Variants in CEP162 observed in about 807,000 individuals in gnomAD.
CEP162 encodes centrosomal protein 162.
CEP162 carries 141 observed loss-of-function variants against 169.2 expected under a neutral mutation model. The ratio of observed to expected loss-of-function variants is 0.83; its 90% confidence interval spans 0.73 to 0.96. The LOEUF is 0.96. Among genes scored for constraint, CEP162 ranks in the 40% least tolerant of loss-of-function variants. The pLI, the probability that CEP162 is intolerant of heterozygous loss-of-function variation, is 0.00. For synonymous variants in CEP162, 540 were observed against 526.4 expected (o/e 1.03, Z -0.35); for missense variants, 1,600 against 1,587.2 (o/e 1.01, Z -0.14).
intron 18 of CEP162, among the ~76,000 whole-genome samples, chr6:84,167,659 C>T (rs1464389355): frequency 1.3e-5 from 2 of 152,152 alleles, no homozygotes; most frequent in Non-Finnish European, 2.9e-5. Flanking sequence ...TTATCACTGA[C>T]TCAGAACTAA....
intron 13 of CEP162, among the ~76,000 whole-genome samples, chr6:84,184,567 T>C (rs1360963950): frequency 1.3e-5 from 2 of 152,126 alleles, no homozygotes; most frequent in Non-Finnish European, 2.9e-5. Context: ...TAATATACTT[T>C]GTTGACTTGC....
chr6:84,217,443 G>C (rs1378851421), intron 3 of CEP162, among the ~76,000 whole-genome samples: 1 of 152,184 alleles, frequency 6.6e-6, no homozygotes, highest in Non-Finnish European at 1.5e-5. Context: ...CATGGGGGAA[G>C]AGTGTTTAAG....
chr6:84,211,025 T>C (rs1562088585), intron 6 of CEP162, among the ~76,000 whole-genome samples: 4 of 151,506 alleles, frequency 2.6e-5, no homozygotes, highest in African/African-American at 9.7e-5. Flanking sequence ...CAATATCCAA[T>C]AAAAAATTAC....
chr6:84,213,051 C>T (rs1588885640), intron 5 of CEP162, 27 bp from the exon 6 acceptor site: 1 of 1,378,764 alleles, frequency 7.3e-7, no homozygotes. Context: ...TTTAATTTAG[C>T]ATTACATGTT....
chr6:84,145,198 AATATTTGG>A (rs2099518299), intron 25 of CEP162, among the ~76,000 whole-genome samples: 1 of 152,094 alleles, frequency 6.6e-6, no homozygotes. Flanking sequence ...GGAGCCTCAC[AATATTTGG>A]GGGATCTCTA....
chr6:84,211,249 C>A (rs770492836), intron 6 of CEP162, among the ~76,000 whole-genome samples: 1 of 151,362 alleles, frequency 6.6e-6, no homozygotes, highest in Non-Finnish European at 1.5e-5. Context: ...TGGGATTGGG[C>A]CAGGCATGGT....
chr6:84,168,045 T>A (rs1443473548), intron 18 of CEP162, among the ~76,000 whole-genome samples: 4 of 149,802 alleles, frequency 2.7e-5, no homozygotes, highest in Admixed American at 1.3e-4. Context: ...TTTATTATAT[T>A]TTTTTTCCCA....
At chr6:84,126,547 A>C in intron 25 of CEP162, 35 bp from the exon 26 acceptor site, 2 of 1,400,384 alleles carry the variant, frequency 1.4e-6, no homozygotes, top group Non-Finnish European at 1.9e-6. Flanking sequence ...GAAAAACTAT[A>C]ATCACAAGAA....
Position 84,193,684 on chromosome 6 carries a change from G to A in CEP162, c.1034C>T (p.Pro345Leu). 6.4e-7 allele frequency: 1 copy of A among 1,559,124 alleles called. No individual in the cohort carries two copies. Among genetic ancestry groups the A allele is most frequent in the Non-Finnish European group, 8.7e-7 (1 of 1,150,514 alleles). The change falls in exon 11 of 27, where the codon CCC becomes CTC. Residue 345 changes from proline to leucine, a missense_variant. Physicochemically the swap from Pro to Leu is moderately conservative, Grantham distance 98. Coordinates refer to ENST00000403245, the MANE Select transcript of CEP162 (RefSeq NM_014895.4). ...KNISTMESDLPTVEELMKPIR... is the reference protein window; with the variant it reads ...KNISTMESDLLTVEELMKPIR... ...AGGTTTCATCAGCTCCTCTACTGTG[G>A]GCAGATCTAAGAGGTGGAAAAAAAA... is the stretch of plus-strand genomic sequence containing the variant.
chr6:84,173,410 A>C (rs567907460), intron 16 of CEP162, among the ~76,000 whole-genome samples: 8 of 152,360 alleles, frequency 5.3e-5, no homozygotes, highest in African/African-American at 1.7e-4. Context: ...TCATAAATTA[A>C]AACTTTGTTA....
chr6:84,129,371 G>C (rs1490868578), intron 25 of CEP162, among the ~76,000 whole-genome samples: 1 of 152,082 alleles, frequency 6.6e-6, no homozygotes, highest in Admixed American at 6.5e-5. Context: ...ACTTTTTAAT[G>C]ATCGCCATTC....
At chr6:84,125,964 A>G (rs543132792) in intron 26 of CEP162, among the ~76,000 whole-genome samples, 1 of 152,260 alleles carries the variant, frequency 6.6e-6, no homozygotes, top group African/African-American at 2.4e-5. Context: ...ACTTCTATTA[A>G]TTTATCTGTT....
At chr6:84,206,597 A>G (rs377373901) in intron 6 of CEP162, among the ~76,000 whole-genome samples, 1 of 152,156 alleles carries the variant, frequency 6.6e-6, no homozygotes, top group African/African-American at 2.4e-5. Flanking sequence ...TTAAATGTTA[A>G]ACCTAAAACC....
chr6:84,185,335 T>C lies in CEP162; in HGVS notation c.1515A>G (p.Gly505=). ...CTGAGCTCCTAACTGACGCATATAATCCACTCTGGGGTTTCCTTTTAAGTA... is the reference window on the plus strand; with the variant it reads ...CTGAGCTCCTAACTGACGCATATAACCCACTCTGGGGTTTCCTTTTAAGTA... ...PPLLKRKPQS[G]LYASVRSSGY... Residue 505 remains glycine, a synonymous_variant, in exon 13 of 27, where the codon GGA becomes GGG. Transcript: ENST00000403245. The C allele has an allele frequency of 6.2e-7, 1 of 1,613,668 alleles. No homozygotes were observed. The highest frequency in any genetic ancestry group is 8.5e-7 in the Non-Finnish European group (1 of 1,179,714).
intron 4 of CEP162, 117 bp downstream of exon 4, chr6:84,215,659 A>G: frequency 3.7e-6 from 5 of 1,349,100 alleles, no homozygotes; most frequent in Non-Finnish European, 5.0e-6. Flanking sequence ...AACCTCTAGG[A>G]AGATATTAAA....
intron 11 of CEP162, among the ~76,000 whole-genome samples, chr6:84,189,852 G>T (rs996293704): frequency 1.3e-5 from 2 of 152,248 alleles, no homozygotes; most frequent in African/African-American, 4.8e-5. Context: ...TGGGGATGTG[G>T]AGAGTCTTTA....
chr6:84,156,061 C>T (rs1333746172), intron 21 of CEP162, among the ~76,000 whole-genome samples: 1 of 151,622 alleles, frequency 6.6e-6, no homozygotes, highest in East Asian at 1.9e-4. Flanking sequence ...ATAGAGAACC[C>T]AAAAATTAAG....
intron 25 of CEP162, among the ~76,000 whole-genome samples, chr6:84,134,598 G>A (rs1288881512): frequency 6.6e-6 from 1 of 152,112 alleles, no homozygotes; most frequent in Non-Finnish European, 1.5e-5. Flanking sequence ...GGCTAGGGGA[G>A]GGAGTTCCCC....
intron 11 of CEP162, among the ~76,000 whole-genome samples, chr6:84,192,504 C>T (rs1008835719): frequency 2.6e-5 from 4 of 152,176 alleles, no homozygotes; most frequent in Non-Finnish European, 5.9e-5. Context: ...CTACACTTAG[C>T]ATTGAAGTGA....
Sources: gnomAD v4.1 joint callset for allele counts (sites outside exome capture counted in the v4.1 genomes callset) on GRCh38, gnomAD v4.1.1 for gene constraint, MANE v1.5 for transcripts, NCBI Gene and HGNC (gene_info 2026-07-23, HGNC 2026-07-21) for gene names.